Variants in DNMBP observed in about 807,000 individuals in gnomAD.
The protein encoded by DNMBP is dynamin-binding protein.
Under a neutral mutation model 150.0 loss-of-function variants are expected in DNMBP, and 87 were observed. The ratio of observed to expected loss-of-function variants is 0.58; its 90% CI spans 0.49 to 0.69. The LOEUF is 0.69. Among genes scored for constraint, DNMBP ranks in the 30% least tolerant of loss-of-function variants. The pLI, the probability that DNMBP is intolerant of heterozygous loss-of-function variation, is 0.00. For synonymous variants in DNMBP, 711 were observed against 750.4 expected, an observed-to-expected ratio of 0.95 and a Z score of 0.86; for missense variants, 1,774 against 1,949.0, an observed-to-expected ratio of 0.91 and a Z score of 1.69.
chr10:99,996,255 T>C (rs970825592), intron 1 of DNMBP, among the ~76,000 whole-genome samples: 1 of 152,190 alleles, frequency 6.6e-6, no homozygotes, highest in Non-Finnish European at 1.5e-5. Context: ...GGGCGGTGGT[T>C]CACACCTGTA....
intron 11 of DNMBP, among the ~76,000 whole-genome samples, chr10:99,891,197 G>A (rs1269447343): frequency 2.6e-5 from 1 of 39,046 alleles, no homozygotes; most frequent in Non-Finnish European, 5.5e-5. Flanking sequence ...TCTCCCCACC[G>A]TCTCCCTCTC....
chr10:99,978,134 C>A (rs997492743), intron 1 of DNMBP, among the ~76,000 whole-genome samples: 2 of 152,148 alleles, frequency 1.3e-5, no homozygotes, highest in African/African-American at 4.8e-5. Context: ...CATTCCAATC[C>A]CAGCACCACC....
chr10:99,953,165 T>C (rs1161884822), intron 4 of DNMBP, among the ~76,000 whole-genome samples: 3 of 152,238 alleles, frequency 2.0e-5, no homozygotes, highest in East Asian at 1.9e-4. Flanking sequence ...GAATTTTCAG[T>C]GTGCCAGTAT....
At chr10:99,981,488 T>G (rs1342737635) in intron 1 of DNMBP, among the ~76,000 whole-genome samples, 1 of 152,148 alleles carries the variant, frequency 6.6e-6, no homozygotes, top group Non-Finnish European at 1.5e-5. Context: ...GGCCAGTAAT[T>G]TTTATTAAGC....
intron 1 of DNMBP, among the ~76,000 whole-genome samples, chr10:99,975,992 G>T (rs868604042): frequency 4.5e-4 from 68 of 152,160 alleles, no homozygotes; most frequent in African/African-American, 1.6e-3. Context: ...GGGGACACGG[G>T]ATCAGAGAGA....
chr10:99,904,344 C>T (rs533552178), intron 6 of DNMBP, among the ~76,000 whole-genome samples: 5 of 152,188 alleles, frequency 3.3e-5, no homozygotes, highest in South Asian at 2.1e-4. Flanking sequence ...ACATAGCTCT[C>T]GGCGGGATGT....
intron 12 of DNMBP, among the ~76,000 whole-genome samples, chr10:99,887,171 C>G (rs1268704154): frequency 1.3e-5 from 2 of 151,848 alleles, no homozygotes; most frequent in East Asian, 3.9e-4. Context: ...TCACTGCAGC[C>G]TCAGCCTCCC....
chr10:99,920,233 G>A (rs935466647), intron 4 of DNMBP, among the ~76,000 whole-genome samples: 7 of 151,858 alleles, frequency 4.6e-5, no homozygotes, highest in African/African-American at 7.3e-5. Context: ...GCGCCACCAC[G>A]CCTGGCTAAT....
chr10:99,883,772 G>C (rs1436520297), intron 15 of DNMBP, among the ~76,000 whole-genome samples: 2 of 151,996 alleles, frequency 1.3e-5, no homozygotes, highest in Non-Finnish European at 2.9e-5. Flanking sequence ...GTAAGATATG[G>C]CAAGAGCTTG....
intron 4 of DNMBP, among the ~76,000 whole-genome samples, chr10:99,947,887 GGT>G (rs2040375530): frequency 6.6e-6 from 1 of 151,958 alleles, no homozygotes; most frequent in South Asian, 2.1e-4. Context: ...ATCTTCTATA[GGT>G]GTGTAAGATA....
chr10:99,893,170 A>T (rs1251800613), intron 11 of DNMBP, among the ~76,000 whole-genome samples: 1 of 152,224 alleles, frequency 6.6e-6, no homozygotes, highest in African/African-American at 2.4e-5. Flanking sequence ...TGAGTTAGCA[A>T]GGGATATTGC....
Position 99,956,131 on chromosome 10 carries a change from G to A in DNMBP, c.1343C>T (p.Pro448Leu), listed in dbSNP as rs953581942. 19 of 1,614,014 alleles carry A rather than the reference G, an allele frequency of 1.2e-5. No homozygotes were observed. Among genetic ancestry groups the A allele is most frequent in the African/African-American group, 2.7e-5 (2 of 74,902 alleles). ...ATAGTCTCTAGTCCTTGCTTCTAGG[G>A]GAAGAAGGTCGGGGTACTGTTCTGA... ...PHSEQYPDLLPLEARTRDYAS... is the reference protein window; with the variant it reads ...PHSEQYPDLLLLEARTRDYAS... Residue 448 changes from proline to leucine, a missense_variant, in exon 4 of 17, where the codon CCC becomes CTC. Pro to Leu is a moderately conservative substitution (Grantham distance 98). Coordinates refer to ENST00000324109, the MANE Select transcript of DNMBP (RefSeq NM_015221.4).
intron 6 of DNMBP, among the ~76,000 whole-genome samples, chr10:99,906,142 C>G (rs1230180934): frequency 6.6e-6 from 1 of 152,062 alleles, no homozygotes; most frequent in Admixed American, 6.5e-5. Context: ...GGGGCAGAAC[C>G]CTGATTTTTT....
intron 4 of DNMBP, among the ~76,000 whole-genome samples, chr10:99,939,588 A>G (rs1029281267): frequency 2.6e-5 from 4 of 152,262 alleles, no homozygotes; most frequent in African/African-American, 9.6e-5. Flanking sequence ...TTTAGTTTAC[A>G]GTTGAAATGG....
At position 99,969,005 on chromosome 10, in the gene DNMBP, A is replaced by G. The variant is rs530249758; in HGVS notation, c.268+110T>C. The stretch of plus-strand genomic sequence containing the variant: ...TCCACGCTATTTGGTATTGCCGAGG[A>G]CTCTCTAGAGGTTAAGCCACTTCAC... On this transcript the variant is annotated intron_variant, in intron 3 of 16. Transcript: ENST00000324109. 6.3e-6 allele frequency: 8 copies of G among 1,264,088 alleles called. No homozygotes were observed. The African/African-American group carries it at 1.2e-4, about 19-fold the overall frequency. 78.3% of individuals were successfully genotyped at this position (1,264,088 alleles called of 1,614,324 possible). A position where few individuals can be genotyped will look rare whatever the true frequency, so the allele number is the denominator to read the frequency against.
At chr10:99,978,963 T>G (rs1201926677) in intron 1 of DNMBP, among the ~76,000 whole-genome samples, 1 of 152,212 alleles carries the variant, frequency 6.6e-6, no homozygotes, top group African/African-American at 2.4e-5. Flanking sequence ...TTTAACAGAA[T>G]TGCAGTTCTG....
chr10:99,993,464 GT>G (rs1353239005), intron 1 of DNMBP, among the ~76,000 whole-genome samples: 1 of 152,124 alleles, frequency 6.6e-6, no homozygotes, highest in East Asian at 1.9e-4. Context: ...ATTTTTAAAA[GT>G]AAGTGTCTCT....
Position 99,877,178 on chromosome 10 carries a change from A to T in DNMBP, c.4707T>A (p.Asn1569Lys). Residue 1569 changes from asparagine to lysine, a missense_variant, in exon 17 of 17, where the codon AAT (asparagine) becomes AAA (lysine). Coordinates refer to ENST00000324109, the MANE Select transcript of DNMBP (RefSeq NM_015221.4). The part of the protein sequence containing the change: ...VNGKKGYVPS[N>K]YIRKTEYT ...AGGTGTACTCGGTTTTGCGGATATA[A>T]TTGGAGGGAACGTAGCCCTTCTTCC... 6.2e-7 allele frequency: 1 copy of T among 1,612,640 alleles called. No homozygotes were observed. Among genetic ancestry groups the T allele is most frequent in the Non-Finnish European group, 8.5e-7 (1 of 1,179,484 alleles).
chr10:99,885,565 CTATTCTCCATTTATTATGAAATACA>C, intron 14 of DNMBP, 97 bp downstream of exon 14: 1 of 960,204 alleles, frequency 1.0e-6, no homozygotes, highest in Non-Finnish European at 1.5e-6. Context: ...GAATGCAACA[CTATTCTCCATTTATTATGAAATACA>C]GAAACTCCAA....
Sources: gnomAD v4.1 joint callset for allele counts (sites outside exome capture counted in the v4.1 genomes callset) on GRCh38, gnomAD v4.1.1 for gene constraint, MANE v1.5 for transcripts, NCBI Gene and HGNC (gene_info 2026-07-23, HGNC 2026-07-21) for gene names.